The following ADIPOR2 variants were observed in gnomAD, a reference collection of about 807,000 sequenced individuals.
The protein encoded by ADIPOR2 is adiponectin receptor protein 2.
In ADIPOR2, 18 loss-of-function variants were observed where a neutral mutation model predicts 40.9. The ratio of observed to expected loss-of-function variants is 0.44; its 90% confidence interval spans 0.30 to 0.65. The LOEUF is 0.65. Ranked by LOEUF, ADIPOR2 falls within the 30% of genes least tolerant of loss-of-function variation. The pLI is 0.09. For synonymous variants in ADIPOR2, 165 were observed against 166.4 expected, an observed-to-expected ratio of 0.99 and a Z score of 0.06; for missense variants, 283 against 479.2, an observed-to-expected ratio of 0.59 and a Z score of 3.82.
intron 1 of ADIPOR2, among the ~76,000 whole-genome samples, chr12:1,739,826 C>T (rs1026495870): frequency 6.6e-6 from 1 of 152,180 alleles, no homozygotes; most frequent in East Asian, 1.9e-4. Context: ...ATTAGCTGGG[C>T]GCAGTGGCTC....
intron 1 of ADIPOR2, among the ~76,000 whole-genome samples, chr12:1,748,526 G>A (rs1209249221): frequency 1.3e-5 from 2 of 152,068 alleles, no homozygotes; most frequent in Non-Finnish European, 2.9e-5. Context: ...GGGATTACAG[G>A]CGTGAGCCAC....
chr12:1,705,507 A>G (rs2094660423), intron 1 of ADIPOR2, among the ~76,000 whole-genome samples: 1 of 152,202 alleles, frequency 6.6e-6, no homozygotes, highest in Non-Finnish European at 1.5e-5. Flanking sequence ...CATGCACACA[A>G]TTACAAAACA....
intron 4 of ADIPOR2, 147 bp downstream of exon 4, chr12:1,778,172 G>T: frequency 1.1e-6 from 1 of 924,272 alleles, no homozygotes; most frequent in Non-Finnish European, 1.5e-6. Context: ...TTTCTGACTG[G>T]TTTACTCGTA....
intron 1 of ADIPOR2, among the ~76,000 whole-genome samples, chr12:1,715,999 T>C (rs1016995564): frequency 1.5e-4 from 23 of 152,024 alleles, no homozygotes; most frequent in African/African-American, 5.6e-4. Context: ...AGAAGCTTTG[T>C]TCTTTCGCTC....
At chr12:1,770,946 A>G (rs1359741027) in intron 2 of ADIPOR2, among the ~76,000 whole-genome samples, 1 of 152,190 alleles carries the variant, frequency 6.6e-6, no homozygotes, top group Non-Finnish European at 1.5e-5. Flanking sequence ...AAATACTACT[A>G]TGGTTTGGAA....
chr12:1,708,296 C>A (rs1454220113), intron 1 of ADIPOR2, among the ~76,000 whole-genome samples: 3 of 151,530 alleles, frequency 2.0e-5, no homozygotes, highest in Non-Finnish European at 2.9e-5. Flanking sequence ...ACCAGGGATA[C>A]CGAGAGATGA....
chr12:1,786,405 AACAGTTT>A lies in ADIPOR2; in HGVS notation c.*335_*341del, dbSNP rs1469989125. The A allele has an allele frequency of 1.3e-5, 3 of 228,488 alleles. No homozygotes were observed. In the Admixed American group the frequency reaches 1.5e-4, roughly 12 times the overall value. 14.2% of individuals were successfully genotyped at this position (228,488 alleles called of 1,614,324 possible). A position where few individuals can be genotyped will look rare whatever the true frequency, so the allele number is the denominator to read the frequency against. ...CATATTTATTTGTAGAAGATGGCGA[AACAGTTT>A]AGCTGGTGGTTCTTTCTTCTCCCTT... On this transcript the variant is annotated 3_prime_UTR_variant, in exon 8 of 8. Coordinates refer to ENST00000357103, the MANE Select transcript of ADIPOR2 (RefSeq NM_024551.3).
chr12:1,714,058 G>T lies in ADIPOR2; in HGVS notation c.-87+22867G>T, dbSNP rs554764815. On this transcript the variant is annotated intron_variant, in intron 1 of 7. Coordinates refer to ENST00000357103, the MANE Select transcript of ADIPOR2 (RefSeq NM_024551.3). ...GGGGCTTCTGGCCCAGAGAACCTTT[G>T]TCCTTTGGGGCAGTGCACCTTCCAG... Among the ~76,000 whole-genome samples the T allele has an allele frequency of 2.0e-5, 3 of 152,210 alleles. No individual in the cohort carries two copies. In the East Asian group the frequency reaches 5.8e-4, roughly 29 times the overall value.
At chr12:1,724,967 G>T (rs1431305039) in intron 1 of ADIPOR2, among the ~76,000 whole-genome samples, 1 of 152,056 alleles carries the variant, frequency 6.6e-6, no homozygotes, top group East Asian at 1.9e-4. Context: ...TATTATTCCT[G>T]GGAGCAGACT....
At chr12:1,756,406 C>T (rs575424627) in intron 2 of ADIPOR2, among the ~76,000 whole-genome samples, 99 of 151,770 alleles carry the variant, frequency 6.5e-4, no homozygotes, top group Non-Finnish European at 1.3e-3. Flanking sequence ...CACCTTGGCC[C>T]CGCAAATTGC....
chr12:1,716,073 T>C (rs1565635104), intron 1 of ADIPOR2, among the ~76,000 whole-genome samples: 1 of 152,166 alleles, frequency 6.6e-6, no homozygotes, highest in Non-Finnish European at 1.5e-5. Flanking sequence ...GCTGTAACAC[T>C]CACCACGAAG....
rs1011064437 is a variant in ADIPOR2 at position 1,715,696 on chromosome 12, T to C, written c.-87+24505T>C. Among the ~76,000 whole-genome samples the C allele has an allele frequency of 6.6e-5, 10 of 152,160 alleles. No homozygotes were observed. In the East Asian group the frequency reaches 1.9e-3, roughly 29 times the overall value. Reference sequence around the variant, plus strand: ...TGGGGTGTCCTGTTTAGAGGGGGGATTGAGAGGTGAAGCCAGCTGGACTTC... The same window carrying C: ...TGGGGTGTCCTGTTTAGAGGGGGGACTGAGAGGTGAAGCCAGCTGGACTTC... On this transcript the variant is annotated intron_variant, in intron 1 of 7. Coordinates refer to ENST00000357103, the MANE Select transcript of ADIPOR2 (RefSeq NM_024551.3).
At chr12:1,724,391 A>G (rs1030972934) in intron 1 of ADIPOR2, among the ~76,000 whole-genome samples, 4 of 152,186 alleles carry the variant, frequency 2.6e-5, no homozygotes, top group African/African-American at 9.7e-5. Context: ...GAAACCAGTC[A>G]CAAAAAGACA....
intron 1 of ADIPOR2, among the ~76,000 whole-genome samples, chr12:1,746,600 A>G (rs1009989903): frequency 5.9e-5 from 9 of 152,236 alleles, no homozygotes; most frequent in African/African-American, 2.2e-4. Context: ...TATGTACTGA[A>G]CATCAGAGCT....
rs1397499239 is a variant in ADIPOR2 at position 1,780,885 on chromosome 12, A to G, written c.651-4A>G. On this transcript the variant is annotated splice_region_variant and splice_polypyrimidine_tract_variant and intron_variant, in intron 5 of 7. Transcript: ENST00000357103. ...ATTAAATGGATTTTTTTTTTCTGTC[A>G]TAGACTGGATTACTCTGGTATTGCT... 1.9e-6 allele frequency: 3 copies of G among 1,590,856 alleles called. No homozygotes were observed. The highest frequency in any genetic ancestry group is 2.6e-6 in the Non-Finnish European group (3 of 1,171,618).
intron 3 of ADIPOR2, 99 bp downstream of exon 3, chr12:1,773,060 T>C: frequency 7.1e-7 from 1 of 1,398,606 alleles, no homozygotes. Context: ...TTTGGTTTGC[T>C]TTGGGGAAGA....
intron 1 of ADIPOR2, among the ~76,000 whole-genome samples, chr12:1,701,278 C>T (rs937903754): frequency 2.0e-5 from 3 of 152,200 alleles, no homozygotes; most frequent in Non-Finnish European, 2.9e-5. Context: ...CAGGTTTACA[C>T]CACTGTGCCC....
chr12:1,771,114 GGAGTTCAGGA>G (rs552238450), intron 2 of ADIPOR2, among the ~76,000 whole-genome samples: 1 of 152,310 alleles, frequency 6.6e-6, no homozygotes, highest in East Asian at 1.9e-4. Context: ...CTTGAGGCCA[GGAGTTCAGGA>G]CCAGCCTGAG....
At chr12:1,761,475 C>T (rs1334466138) in intron 2 of ADIPOR2, among the ~76,000 whole-genome samples, 1 of 152,126 alleles carries the variant, frequency 6.6e-6, no homozygotes, top group African/African-American at 2.4e-5. Flanking sequence ...TTTATATTCC[C>T]ACCAACAATG....
Sources: gnomAD v4.1 joint callset for allele counts (sites outside exome capture counted in the v4.1 genomes callset) on GRCh38, gnomAD v4.1.1 for gene constraint, MANE v1.5 for transcripts, NCBI Gene and HGNC (gene_info 2026-07-23, HGNC 2026-07-21) for gene names.